The following TAFA5 variants were observed in gnomAD, a reference collection of about 807,000 sequenced individuals.
The protein encoded by TAFA5 is chemokine-like protein TAFA-5.
A neutral mutation model predicts 15.3 loss-of-function variants in TAFA5; 6 were observed. That is an observed-to-expected ratio of 0.39 (90% CI 0.21 to 0.77). TAFA5 has a LOEUF of 0.77. Ranked by LOEUF, TAFA5 falls within the 30% of genes least tolerant of loss-of-function variation. The pLI, the probability that TAFA5 is intolerant of heterozygous loss-of-function variation, is 0.41. For synonymous variants in TAFA5, 103 were observed against 80.7 expected (o/e 1.28, Z -1.48); for missense variants, 161 against 193.1 (o/e 0.83, Z 0.98).
At chr22:48,648,033 G>A (rs1926926422) in intron 2 of TAFA5, among the ~76,000 whole-genome samples, 1 of 152,188 alleles carries the variant, frequency 6.6e-6, no homozygotes, top group Non-Finnish European at 1.5e-5. Flanking sequence ...GGTGGAGTAG[G>A]GCCGAGGATA....
chr22:48,736,817 C>T (rs2092858), intron 3 of TAFA5, among the ~76,000 whole-genome samples: 104,446 of 152,102 alleles, frequency 0.69, 36,951 homozygotes, highest in African/African-American at 0.75. Flanking sequence ...GGCCCGTGGC[C>T]GCCAGGGTCC....
intron 1 of TAFA5, among the ~76,000 whole-genome samples, chr22:48,507,632 G>A (rs1484279254): frequency 6.6e-6 from 1 of 152,202 alleles, no homozygotes; most frequent in Admixed American, 6.5e-5. Flanking sequence ...TCCCCATGGG[G>A]CCTCATTCAG....
intron 3 of TAFA5, among the ~76,000 whole-genome samples, chr22:48,715,660 G>A (rs1929381527): frequency 6.6e-6 from 1 of 152,186 alleles, no homozygotes; most frequent in African/African-American, 2.4e-5. Flanking sequence ...CCCCAAGCCT[G>A]TCCTGCTGGA....
intron 2 of TAFA5, among the ~76,000 whole-genome samples, chr22:48,665,084 G>T (rs545552654): frequency 6.6e-6 from 1 of 152,124 alleles, no homozygotes; most frequent in Non-Finnish European, 1.5e-5. Context: ...CTCCAGCACC[G>T]GCGATGGTCA....
At chr22:48,708,576 G>A (rs13055692) in intron 3 of TAFA5, among the ~76,000 whole-genome samples, 46,806 of 152,188 alleles carry the variant, frequency 0.31, 7,510 homozygotes, top group East Asian at 0.53. Context: ...CCACGTGCAT[G>A]GGGCTCGGGG....
chr22:48,533,948 C>A (rs1327976303), intron 1 of TAFA5, among the ~76,000 whole-genome samples: 1 of 152,118 alleles, frequency 6.6e-6, no homozygotes, highest in Non-Finnish European at 1.5e-5. Flanking sequence ...TTTGTGGGGT[C>A]ATAGTGGGTC....
chr22:48,532,399 C>G (rs2147113488), intron 1 of TAFA5, among the ~76,000 whole-genome samples: 1 of 152,344 alleles, frequency 6.6e-6, no homozygotes, highest in African/African-American at 2.4e-5. Context: ...ATTTCATGTT[C>G]TCAAGAGACC....
intron 1 of TAFA5, among the ~76,000 whole-genome samples, chr22:48,567,091 A>C (rs1383655071): frequency 6.6e-6 from 1 of 152,260 alleles, no homozygotes; most frequent in Non-Finnish European, 1.5e-5. Context: ...TCTGAAGAAT[A>C]GAACTTCCAG....
intron 3 of TAFA5, among the ~76,000 whole-genome samples, chr22:48,744,259 G>A (rs757966754): frequency 3.9e-5 from 6 of 152,222 alleles, no homozygotes; most frequent in Admixed American, 6.5e-5. Flanking sequence ...GGCCCTGTGC[G>A]TTGAGCATCG....
chr22:48,551,159 T>A (rs1290515595), intron 1 of TAFA5, among the ~76,000 whole-genome samples: 1 of 152,000 alleles, frequency 6.6e-6, no homozygotes, highest in Non-Finnish European at 1.5e-5. Flanking sequence ...ATGTGGCCTC[T>A]GACAGCACAG....
At position 48,489,645 on chromosome 22, in the gene TAFA5, G is replaced by A. The variant is rs751885547; in HGVS notation, c.53G>A (p.Ser18Asn). 2.0e-6 allele frequency: 3 copies of A among 1,529,990 alleles called. No individual in the cohort carries two copies. The highest frequency in any genetic ancestry group is 2.9e-5 in the African/African-American group (2 of 69,934). The allele number at this position is 1,529,990 out of a possible 1,614,324, so 94.8% of individuals were successfully genotyped here. ...CGGCAAGATGCGACCGCCCTGCCCAGCATGTCCTCAACTTTCTGGGCGTTC... is the reference window on the plus strand; with the variant it reads ...CGGCAAGATGCGACCGCCCTGCCCAACATGTCCTCAACTTTCTGGGCGTTC... ...GSRQDATALP[S>N]MSSTFWAFMI... The change falls in exon 1 of 4, where the codon AGC becomes AAC. Residue 18 changes from serine to asparagine, a missense_variant. Ser to Asn is a conservative substitution (Grantham distance 46, BLOSUM62 1). Coordinates refer to ENST00000402357, the MANE Select transcript of TAFA5 (RefSeq NM_001082967.3). This position sits in a 1 kb window ranked among gnomAD's most constrained non-coding sequence, Gnocchi z 5.5.
At chr22:48,601,949 A>G (rs1924989136) in intron 1 of TAFA5, among the ~76,000 whole-genome samples, 2 of 144,130 alleles carry the variant, frequency 1.4e-5, no homozygotes, top group South Asian at 4.8e-4. Context: ...GGGCTGTCTC[A>G]TGGCTGGCAC....
intron 3 of TAFA5, among the ~76,000 whole-genome samples, chr22:48,733,761 T>C (rs571794538): frequency 5.2e-4 from 79 of 152,040 alleles, no homozygotes; most frequent in Middle Eastern, 3.2e-3. Context: ...GGCCCATCCG[T>C]TCGTGTGTTC....
intron 3 of TAFA5, among the ~76,000 whole-genome samples, chr22:48,729,954 C>T (rs972219570): frequency 4.6e-5 from 7 of 152,112 alleles, no homozygotes; most frequent in Admixed American, 3.9e-4. Context: ...ACCCACCCAG[C>T]ATTGTCCCGA....
chr22:48,611,954 G>T (rs1453501683), intron 1 of TAFA5, among the ~76,000 whole-genome samples: 1 of 152,148 alleles, frequency 6.6e-6, no homozygotes, highest in African/African-American at 2.4e-5. Context: ...CTGGAATCCT[G>T]GGTCCCTGTT....
At chr22:48,661,137 G>A (rs5771912) in intron 2 of TAFA5, among the ~76,000 whole-genome samples, 102,155 of 152,010 alleles carry the variant, frequency 0.67, 35,167 homozygotes, top group South Asian at 0.82. Context: ...TGTCCAAATC[G>A]TCTGGACCCC....
At chr22:48,502,907 A>G (rs1920961120) in intron 1 of TAFA5, among the ~76,000 whole-genome samples, 1 of 152,164 alleles carries the variant, frequency 6.6e-6, no homozygotes, top group South Asian at 2.1e-4. Flanking sequence ...CCCTGATAGC[A>G]CATCCCAGAA....
chr22:48,605,473 G>A (rs1925159697), intron 1 of TAFA5, among the ~76,000 whole-genome samples: 1 of 149,226 alleles, frequency 6.7e-6, no homozygotes, highest in Non-Finnish European at 1.5e-5. Context: ...TAATGATGAT[G>A]TTGGTGGTGG....
intron 2 of TAFA5, among the ~76,000 whole-genome samples, chr22:48,699,399 G>A (rs914796510): frequency 6.6e-6 from 1 of 151,930 alleles, no homozygotes; most frequent in Admixed American, 6.6e-5. Context: ...ACAAAACAGC[G>A]AAACCAATAA....
Sources: allele counts gnomAD v4.1 joint callset (sites outside exome capture counted in the v4.1 genomes callset), GRCh38; gene constraint gnomAD v4.1.1; non-coding constraint Gnocchi (gnomAD v3.1); transcripts MANE v1.5; gene names NCBI Gene and HGNC (gene_info 2026-07-23, HGNC 2026-07-21).